The following RARA variants were observed in gnomAD, a reference collection of about 807,000 sequenced individuals.
RARA encodes PML-DDX5-RARA fusion.
A neutral mutation model predicts 42.8 loss-of-function variants in RARA; 5 were observed. That is an observed-to-expected ratio of 0.12 (90% CI 0.06 to 0.25). RARA has a LOEUF of 0.25. RARA is among the 10% of genes least tolerant of loss of function. The pLI is 1.00. For missense variants in RARA, 402 were observed against 628.7 expected, an observed-to-expected ratio of 0.64 and a Z score of 3.86; for synonymous variants, 256 against 259.5, an observed-to-expected ratio of 0.99 and a Z score of 0.13.
intron 2 of RARA, among the ~76,000 whole-genome samples, chr17:40,338,433 C>T (rs1410611738): frequency 6.6e-6 from 1 of 152,174 alleles, no homozygotes; most frequent in African/African-American, 2.4e-5. Context: ...CTGGAAACCT[C>T]AACCAGCCCA....
At position 40,356,321 on chromosome 17, in the gene RARA, C is replaced by T. The variant is rs1162849705; in HGVS notation, c.*95C>T. ...TGACCCCGCACCAGCCCTGCCCCCA[C>T]CTGCCCTCCCGGGCAGTACTGGGGA... On this transcript the variant is annotated 3_prime_UTR_variant, in exon 9 of 9. Coordinates refer to ENST00000254066, the MANE Select transcript of RARA (RefSeq NM_000964.4). The T allele has an allele frequency of 1.5e-6, 2 of 1,345,268 alleles. No individual in the cohort carries two copies. The highest frequency in any genetic ancestry group is 1.2e-5 in the South Asian group (1 of 80,306). 83.3% of individuals were successfully genotyped at this position (1,345,268 alleles called of 1,614,324 possible).
chr17:40,343,016 A>T, intron 2 of RARA: 1 of 1,426,790 alleles, frequency 7.0e-7, no homozygotes, highest in South Asian at 1.5e-5. Flanking sequence ...TGGACAATTG[A>T]ACCCTCCCGG....
intron 6 of RARA, among the ~76,000 whole-genome samples, chr17:40,353,712 G>A (rs2034525206): frequency 6.6e-6 from 1 of 152,146 alleles, no homozygotes; most frequent in Admixed American, 6.5e-5. Context: ...CGCGTGAGCC[G>A]GCAGACTGTC....
intron 3 of RARA, chr17:40,349,470 C>T (rs551051651): frequency 1.0e-4 from 31 of 298,516 alleles, no homozygotes; most frequent in Admixed American, 1.9e-4. Context: ...CCAGTTAGCC[C>T]CATGTCTTCC....
intron 2 of RARA, among the ~76,000 whole-genome samples, chr17:40,344,438 C>T (rs1459935111): frequency 6.6e-6 from 1 of 152,176 alleles, no homozygotes; most frequent in Non-Finnish European, 1.5e-5. Flanking sequence ...GCCAGAGTCA[C>T]CCCTTCCACT....
rs1049327018 is a variant in RARA at position 40,356,363 on chromosome 17, G to A, written c.*137G>A. 1.0e-6 allele frequency: 1 copy of A among 997,500 alleles called. No homozygotes were observed. Among genetic ancestry groups the A allele is most frequent in the African/African-American group, 1.6e-5 (1 of 62,672 alleles). 61.8% of individuals were successfully genotyped at this position (997,500 alleles called of 1,614,324 possible). A position where few individuals can be genotyped will look rare whatever the true frequency, so the allele number is the denominator to read the frequency against. The stretch of plus-strand genomic sequence containing the variant: ...TACTGGGGACCTTCCCTGGGGGACG[G>A]GGAGGGAGGAGGCAGCGACTCCTTG... On this transcript the variant is annotated 3_prime_UTR_variant, in exon 9 of 9. Coordinates refer to ENST00000254066, the MANE Select transcript of RARA (RefSeq NM_000964.4).
In RARA at chr17:40,348,477, G is replaced by A. The variant is rs377441923; in HGVS notation, c.327+13G>A. 1.2e-5 allele frequency: 19 copies of A among 1,610,330 alleles called. No individual in the cohort carries two copies. Among genetic ancestry groups the A allele is most frequent in the Non-Finnish European group, 1.4e-5 (17 of 1,178,226 alleles). On this transcript the variant is annotated intron_variant, in intron 3 of 8. Transcript: ENST00000254066. ...TGAGGGCTGCAAGGTGAGTTGAAGG[G>A]GTCATTGGGAAGGACAGCTTGATGA... is the stretch of plus-strand genomic sequence containing the variant.
At chr17:40,349,616 T>C (rs2034378344) in intron 3 of RARA, 168 bp from the exon 4 acceptor site, 1 of 784,526 alleles carries the variant, frequency 1.3e-6, no homozygotes, top group South Asian at 1.8e-5. Flanking sequence ...AGGAGGATCC[T>C]TTTAGGTGAA....
In RARA at chr17:40,352,787, C is replaced by T. The variant is rs1185283194; in HGVS notation, c.807+280C>T. On this transcript the variant is annotated intron_variant, in intron 6 of 8. Transcript: ENST00000254066. This position sits in a 1 kb window ranked among gnomAD's most constrained non-coding sequence, Gnocchi z 4.9. ...CCATTTAGCCAGTAATAAAGATTCA[C>T]GTAGGAGCCAGGTGCAGTGGCTCAT... 3.3e-5 allele frequency among the ~76,000 whole-genome samples: 5 copies of T among 152,144 alleles called. No homozygotes were observed. Among genetic ancestry groups the T allele is most frequent in the East Asian group, 1.9e-4 (1 of 5,192 alleles).
intron 2 of RARA, among the ~76,000 whole-genome samples, chr17:40,339,973 T>C (rs1400031383): frequency 6.6e-6 from 1 of 152,168 alleles, no homozygotes; most frequent in Non-Finnish European, 1.5e-5. Context: ...CAGCATTCCA[T>C]CTGTAGCCCT....
At chr17:40,350,830 G>T (rs934137032) in intron 4 of RARA, among the ~76,000 whole-genome samples, 1 of 151,276 alleles carries the variant, frequency 6.6e-6, no homozygotes, top group African/African-American at 2.5e-5. Flanking sequence ...AGTGGCTCCT[G>T]CTGCAAGAGT....
chr17:40,311,295 G>A (rs1371828804), intron 1 of RARA, among the ~76,000 whole-genome samples: 9 of 152,094 alleles, frequency 5.9e-5, no homozygotes, highest in Admixed American at 5.9e-4. Context: ...ACCACCTTGG[G>A]CCTGCTGATT....
intron 1 of RARA, among the ~76,000 whole-genome samples, chr17:40,324,700 T>C (rs1043423944): frequency 6.6e-6 from 1 of 152,142 alleles, no homozygotes; most frequent in Admixed American, 6.5e-5. Context: ...ACCTATTCTT[T>C]TGGGACAAGG....
intron 1 of RARA, among the ~76,000 whole-genome samples, chr17:40,316,122 T>TTGGACAGGTGGTACTGGTTTCCC (rs2033208544): frequency 6.6e-6 from 1 of 152,198 alleles, no homozygotes; most frequent in Non-Finnish European, 1.5e-5. Flanking sequence ...GGGCTGGGCC[T>TTGGACAGGTGGTACTGGTTTCCC]TGGACAGGTG....
rs74763542 is a variant in RARA, at chr17:40,344,488, G to T, written c.179-3828G>T. On this transcript the variant is annotated intron_variant, in intron 2 of 8. Coordinates refer to ENST00000254066, the MANE Select transcript of RARA (RefSeq NM_000964.4). Reference sequence around the variant, plus strand: ...CTCCAGAGGGCTGGAGAGAAGCTGGGATCTGAGACCTTGGTCTCCAGCCCC... The same window carrying T: ...CTCCAGAGGGCTGGAGAGAAGCTGGTATCTGAGACCTTGGTCTCCAGCCCC... 4.0e-4 allele frequency among the ~76,000 whole-genome samples: 61 copies of T among 152,280 alleles called. 1 individual carries two copies. The East Asian group carries it at 0.011, about 28-fold the overall frequency.
intron 1 of RARA, among the ~76,000 whole-genome samples, chr17:40,321,193 G>A (rs987105932): frequency 3.9e-5 from 6 of 152,068 alleles, no homozygotes; most frequent in South Asian, 2.1e-4. Flanking sequence ...TGGTGTCCCC[G>A]CAGGGTGGGC....
At chr17:40,315,142 A>T (rs867784855) in intron 1 of RARA, among the ~76,000 whole-genome samples, 1 of 108,582 alleles carries the variant, frequency 9.2e-6, no homozygotes, top group Non-Finnish European at 1.8e-5. Context: ...GTATATATAT[A>T]TATATATATA....
At chr17:40,335,137 G>C (rs2033807354) in intron 2 of RARA, among the ~76,000 whole-genome samples, 3 of 152,108 alleles carry the variant, frequency 2.0e-5, no homozygotes, top group Admixed American at 6.5e-5. Flanking sequence ...GAGGGTTAGA[G>C]AGCTGAGTGT....
At position 40,356,681 on chromosome 17, in the gene RARA, G is replaced by A. The variant is rs1231150271; in HGVS notation, c.*455G>A. ...AGAGGGGGTGGGACAGGGGCGGGGG[G>A]TTCCCCCTGTACATACCCTGCCATA... On this transcript the variant is annotated 3_prime_UTR_variant, in exon 9 of 9. Coordinates refer to ENST00000254066, the MANE Select transcript of RARA (RefSeq NM_000964.4). 3.7e-6 allele frequency: 2 copies of A among 539,872 alleles called. No homozygotes were observed. Among genetic ancestry groups the A allele is most frequent in the Non-Finnish European group, 3.6e-6 (1 of 281,010 alleles). The allele number at this position is 539,872 out of a possible 1,614,324, so 33.4% of individuals were successfully genotyped here.
Sources: allele counts gnomAD v4.1 joint callset (sites outside exome capture counted in the v4.1 genomes callset), GRCh38; gene constraint gnomAD v4.1.1; non-coding constraint Gnocchi (gnomAD v3.1); transcripts MANE v1.5; gene names NCBI Gene and HGNC (gene_info 2026-07-23, HGNC 2026-07-21).